Variants in ZGRF1 observed in about 807,000 individuals in gnomAD.
ZGRF1 encodes zinc finger GRF-type containing 1, also known as 5'-3' DNA helicase ZGRF1.
In ZGRF1, 196 loss-of-function variants were observed where a neutral mutation model predicts 203.5. That is an observed-to-expected ratio of 0.96 (90% CI 0.86 to 1.08). The LOEUF (loss-of-function observed/expected upper bound fraction) is 1.08. ZGRF1 is among the 50% of genes least tolerant of loss of function. The probability of loss-of-function intolerance (pLI) is 0.00; values close to 1 mark genes in which losing one functional copy is unlikely to be tolerated. For missense variants in ZGRF1, 2,326 were observed against 2,416.3 expected, an observed-to-expected ratio of 0.96 and a Z score of 0.78; for synonymous variants, 809 against 841.3, an observed-to-expected ratio of 0.96 and a Z score of 0.66.
chr4:112,557,696 T>C (rs541983883), intron 20 of ZGRF1, among the ~76,000 whole-genome samples: 22 of 152,330 alleles, frequency 1.4e-4, no homozygotes, highest in African/African-American at 5.1e-4. Flanking sequence ...ATCCATTATC[T>C]TATAACAAGT....
At chr4:112,591,040 T>C (rs886794821) in intron 10 of ZGRF1, among the ~76,000 whole-genome samples, 8 of 151,988 alleles carry the variant, frequency 5.3e-5, no homozygotes, top group African/African-American at 1.9e-4. Flanking sequence ...GAAACAAAGA[T>C]GTGAAAAAAT....
At chr4:112,551,013 G>A (rs1263695530) in intron 22 of ZGRF1, among the ~76,000 whole-genome samples, 1 of 152,074 alleles carries the variant, frequency 6.6e-6, no homozygotes, top group African/African-American at 2.4e-5. Flanking sequence ...AAAAGCTATA[G>A]TATATATAGT....
chr4:112,553,770 CA>C, intron 22 of ZGRF1, 64 bp downstream of exon 22: 1 of 1,360,368 alleles, frequency 7.4e-7, no homozygotes, highest in East Asian at 2.3e-5. Flanking sequence ...ATTTCATCAA[CA>C]GAAATAAGAG....
intron 16 of ZGRF1, among the ~76,000 whole-genome samples, chr4:112,568,145 G>A (rs573897490): frequency 6.6e-6 from 1 of 151,958 alleles, no homozygotes; most frequent in Non-Finnish European, 1.5e-5. Flanking sequence ...AGATTCAGAA[G>A]TGCTAATATT....
chr4:112,631,333 A>C (rs1210752083), intron 3 of ZGRF1, among the ~76,000 whole-genome samples: 1 of 151,208 alleles, frequency 6.6e-6, no homozygotes, highest in Non-Finnish European at 1.5e-5. Flanking sequence ...TTCCAATTCC[A>C]CTCCTGGAGT....
intron 16 of ZGRF1, among the ~76,000 whole-genome samples, chr4:112,570,049 T>G (rs1375213808): frequency 6.6e-6 from 1 of 152,042 alleles, no homozygotes; most frequent in African/African-American, 2.4e-5. Flanking sequence ...AAGTAATAAA[T>G]AGCAGACAGA....
intron 22 of ZGRF1, among the ~76,000 whole-genome samples, chr4:112,550,285 GAAT>G (rs1280164652): frequency 2.0e-5 from 3 of 151,040 alleles, no homozygotes; most frequent in Non-Finnish European, 2.9e-5. Flanking sequence ...AGTAAGCTTA[GAAT>G]AATGTGTTTG....
At chr4:112,554,051 G>T in intron 21 of ZGRF1, 69 bp from the exon 22 acceptor site, 1 of 1,390,938 alleles carries the variant, frequency 7.2e-7, no homozygotes, top group Non-Finnish European at 9.7e-7. Context: ...GCAAAATATA[G>T]ATTTTCTTTT....
At chr4:112,583,925 G>T in intron 15 of ZGRF1, 53 bp downstream of exon 15, 2 of 1,109,308 alleles carry the variant, frequency 1.8e-6, no homozygotes, top group South Asian at 1.8e-5. Flanking sequence ...TTCTGTGAAG[G>T]CTGTTGTTCT....
In ZGRF1 at chr4:112,547,368, G is replaced by A; in HGVS notation, c.5515C>T (p.Gln1839Ter). The change falls in exon 24 of 28, where the codon CAG becomes TAG. Residue 1839 changes from glutamine (Q) to a stop codon, truncating the protein, a stop_gained. Transcript: ENST00000505019. LOFTEE classifies it high-confidence loss of function. ...EKLILVGDPKQLPPTIQGSDA... is the reference protein window; with the variant it reads ...EKLILVGDPK The stretch of plus-strand genomic sequence containing the variant: ...GAACCCTGAATAGTAGGAGGTAGCT[G>A]TTTGGGATCCCCAACAAGAATCAGC... The A allele has an allele frequency of 1.2e-6, 2 of 1,612,770 alleles. No homozygotes were observed. The highest frequency in any genetic ancestry group is 1.3e-5 in the African/African-American group (1 of 75,010).
At position 112,631,929 on chromosome 4, in the gene ZGRF1, C is replaced by T; in HGVS notation, c.102+1G>A. ...CCTATAGTCAACTGCTTTGTACTCA[C>T]TTTGTTTCCTAAGTGAGTGATCTTC... On this transcript the variant is annotated splice_donor_variant, in intron 3 of 27. Coordinates refer to ENST00000505019, the MANE Select transcript of ZGRF1 (RefSeq NM_018392.5). LOFTEE classifies it high-confidence loss of function. The T allele has an allele frequency of 1.3e-6, 2 of 1,576,918 alleles. No individual in the cohort carries two copies. The highest frequency in any genetic ancestry group is 1.7e-4 in the Middle Eastern group (1 of 5,922).
In ZGRF1 at chr4:112,587,395, G is replaced by T. The variant is rs376820149; in HGVS notation, c.3662C>A (p.Ser1221Ter). ...QQRQDFSSQD[S>*]VSRKKVLSLN... is the part of the protein sequence containing the mutation. Reference sequence around the variant, plus strand: ...AGAAAGTACTTTCTTTCTGGAAACCGAATCTTGACTGCTAAAATCCTGCCG... The same window carrying T: ...AGAAAGTACTTTCTTTCTGGAAACCTAATCTTGACTGCTAAAATCCTGCCG... Residue 1221 changes from serine (S) to a stop codon, truncating the protein, a stop_gained, in exon 12 of 28, where the codon TCG (serine) becomes TAG (stop). Transcript: ENST00000505019. LOFTEE classifies it high-confidence loss of function. 1 of 1,613,834 alleles carries T rather than the reference G, an allele frequency of 6.2e-7. No individual in the cohort carries two copies. The highest frequency in any genetic ancestry group is 1.1e-5 in the South Asian group (1 of 91,072).
intron 10 of ZGRF1, among the ~76,000 whole-genome samples, chr4:112,594,175 C>T (rs1222006616): frequency 2.0e-5 from 3 of 152,122 alleles, no homozygotes; most frequent in Non-Finnish European, 4.4e-5. Context: ...CATCTCCCTC[C>T]CCCTGCTGAC....
At position 112,540,074 on chromosome 4, in the gene ZGRF1, A is replaced by G; in HGVS notation, c.5961T>C (p.Thr1987=). 3 of 1,600,080 alleles carry G rather than the reference A, an allele frequency of 1.9e-6. No homozygotes were observed. Among genetic ancestry groups the G allele is most frequent in the Non-Finnish European group, 2.6e-6 (3 of 1,172,038 alleles). Residue 1987 remains threonine, a synonymous_variant, in exon 27 of 28, where the codon ACT becomes ACC. Coordinates refer to ENST00000505019, the MANE Select transcript of ZGRF1 (RefSeq NM_018392.5). ...AAGCATCTACTGTGGACACCTGCAC[A>G]GTTTTAATATCAGGATGGTGAAAGT... ...AVDFHHPDIK[T]VQVSTVDAFQ...
intron 6 of ZGRF1, among the ~76,000 whole-genome samples, chr4:112,616,636 A>G (rs186220854): frequency 3.9e-5 from 6 of 152,084 alleles, no homozygotes; most frequent in Middle Eastern, 3.4e-3. Flanking sequence ...GGAGTTCAAG[A>G]CCAGCCTGGC....
At chr4:112,635,081 G>C (rs916521571) in intron 1 of ZGRF1, among the ~76,000 whole-genome samples, 4 of 143,808 alleles carry the variant, frequency 2.8e-5, no homozygotes, top group Non-Finnish European at 6.0e-5. Flanking sequence ...AGTGAGCAGA[G>C]ATCACGCCAC....
chr4:112,574,894 C>T (rs567696568), intron 16 of ZGRF1, among the ~76,000 whole-genome samples: 9 of 151,956 alleles, frequency 5.9e-5, no homozygotes, highest in African/African-American at 1.7e-4. Context: ...GATGTGGTAG[C>T]GCGCATCTGT....
rs548679331 is a variant in ZGRF1 at position 112,600,232 on chromosome 4, C to T, written c.2976+3292G>A. Among the ~76,000 whole-genome samples the T allele has an allele frequency of 1.5e-4, 23 of 152,214 alleles. No homozygotes were observed. In the Middle Eastern group the frequency reaches 0.01, roughly 68 times the overall value. On this transcript the variant is annotated intron_variant, in intron 10 of 27. Coordinates refer to ENST00000505019, the MANE Select transcript of ZGRF1 (RefSeq NM_018392.5). Reference sequence around the variant, plus strand: ...TTTTTTTTGTAGGGACCGAGTCTCACTATGTTGCCCAGGCTGGTCTTGAAT... The same window carrying T: ...TTTTTTTTGTAGGGACCGAGTCTCATTATGTTGCCCAGGCTGGTCTTGAAT...
chr4:112,582,633 C>T (rs544371193), intron 15 of ZGRF1, among the ~76,000 whole-genome samples: 95 of 151,868 alleles, frequency 6.3e-4, no homozygotes, highest in African/African-American at 2.0e-3. Context: ...TTTGTAGAGA[C>T]GAGGTTTCAT....
Sources: gnomAD v4.1 joint callset for allele counts (sites outside exome capture counted in the v4.1 genomes callset) on GRCh38, gnomAD v4.1.1 for gene constraint, MANE v1.5 for transcripts, NCBI Gene and HGNC (gene_info 2026-07-23, HGNC 2026-07-21) for gene names.